The following NKD2 variants were observed in gnomAD, a reference collection of about 807,000 sequenced individuals.
The protein encoded by NKD2 is protein naked cuticle homolog 2.
A neutral mutation model predicts 34.8 loss-of-function variants in NKD2; 43 were observed. The observed-to-expected ratio is 1.24, with a 90% CI of 0.97 to 1.60. NKD2 has a LOEUF of 1.60. Among genes scored for constraint, NKD2 ranks in the 40% most tolerant of loss-of-function variants. NKD2 has a pLI of 0.00. For missense variants in NKD2, 675 were observed against 627.1 expected (o/e 1.08, Z -0.82); for synonymous variants, 278 against 265.1 (o/e 1.05, Z -0.47).
Position 1,034,237 on chromosome 5 carries a change from A to T in NKD2, c.333A>T (p.Ala111=), listed in dbSNP as rs1158703656. The change falls in exon 6 of 10, where the codon GCA becomes GCT. Residue 111 remains alanine (A), a splice_region_variant and synonymous_variant. Coordinates refer to ENST00000296849, the MANE Select transcript of NKD2 (RefSeq NM_033120.4). ...CCGGCCCCCACGTCCCCCCACAGGC[A>T]CTCCAGTGCGATGTCTCGGTGGAGG... ...GPGGQRLNID[A]LQCDVSVEED... The T allele has an allele frequency of 6.2e-7, 1 of 1,605,232 alleles. No individual in the cohort carries two copies. Among genetic ancestry groups the T allele is most frequent in the African/African-American group, 1.4e-5 (1 of 72,766 alleles).
Position 1,038,448 on chromosome 5 carries a change from G to A in NKD2, c.*75G>A, listed in dbSNP as rs139370266. ...CAGGGCAGGGAGCAGAGCAGCTGCC[G>A]GCTGTGTGCCCATGGGGAGCCCAGC... On this transcript the variant is annotated 3_prime_UTR_variant, in exon 10 of 10. Coordinates refer to ENST00000296849, the MANE Select transcript of NKD2 (RefSeq NM_033120.4). The surrounding 1 kb of genome is among the most constrained non-coding windows in gnomAD (Gnocchi z 4.5). 4.6e-5 allele frequency: 70 copies of A among 1,535,352 alleles called. No homozygotes were observed. The Middle Eastern group carries it at 5.0e-4, about 11-fold the overall frequency.
intron 8 of NKD2, 187 bp from the exon 9 acceptor site, chr5:1,036,070 A>G: frequency 1.5e-6 from 2 of 1,310,392 alleles, no homozygotes; most frequent in South Asian, 4.9e-5. Flanking sequence ...GTCGGCTGTG[A>G]CCTTGTTTCT....
At position 1,038,181 on chromosome 5, in the gene NKD2, G is replaced by A; in HGVS notation, c.1164G>A (p.Lys388=). The A allele has an allele frequency of 6.3e-7, 1 of 1,587,500 alleles. No homozygotes were observed. The highest frequency in any genetic ancestry group is 8.6e-7 in the Non-Finnish European group (1 of 1,168,778). ...ACGGCCACAAGCGGTACCGCCAAAAGGGCAGGGAGGGCCACTCGCCACTCA... is the reference window on the plus strand; with the variant it reads ...ACGGCCACAAGCGGTACCGCCAAAAAGGCAGGGAGGGCCACTCGCCACTCA... ...PPYGHKRYRQ[K]GREGHSPLKA... is the part of the protein sequence containing the mutation. Residue 388 remains lysine (K), a synonymous_variant, in exon 10 of 10, where the codon AAG becomes AAA. Transcript: ENST00000296849. The surrounding 1 kb of genome is among the most constrained non-coding windows in gnomAD (Gnocchi z 4.5).
intron 3 of NKD2, among the ~76,000 whole-genome samples, chr5:1,021,363 CCCCT>C (rs1756172179): frequency 1.5e-5 from 2 of 133,444 alleles, no homozygotes; most frequent in Non-Finnish European, 3.2e-5. Context: ...CGGCCCCCCG[CCCCT>C]CCACCCACCC....
rs1355973689 is a variant in NKD2 at position 1,038,184 on chromosome 5, C to T, written c.1167C>T (p.Gly389=). The change falls in exon 10 of 10, where the codon GGC becomes GGT. Residue 389 remains glycine (G), a synonymous_variant. Transcript: ENST00000296849. This position sits in a 1 kb window ranked among gnomAD's most constrained non-coding sequence, Gnocchi z 4.5. ...PYGHKRYRQK[G]REGHSPLKAP... ...GCCACAAGCGGTACCGCCAAAAGGGCAGGGAGGGCCACTCGCCACTCAAGG... is the reference window on the plus strand; with the variant it reads ...GCCACAAGCGGTACCGCCAAAAGGGTAGGGAGGGCCACTCGCCACTCAAGG... The T allele has an allele frequency of 1.9e-6, 3 of 1,587,672 alleles. No homozygotes were observed. Among genetic ancestry groups the T allele is most frequent in the African/African-American group, 1.3e-5 (1 of 74,534 alleles).
At chr5:1,034,682 G>A (rs773297793) in intron 6 of NKD2, 74 bp from the exon 7 acceptor site, 111 of 1,469,100 alleles carry the variant, frequency 7.6e-5, no homozygotes, top group Admixed American at 1.0e-4. Flanking sequence ...GGGGCTGGAT[G>A]TGTTTTCTGG....
chr5:1,035,933 C>T (rs1733892636), intron 8 of NKD2: 1 of 378,228 alleles, frequency 2.6e-6, no homozygotes, highest in African/African-American at 2.1e-5. Flanking sequence ...GGCTGGGTGG[C>T]TGGGGTGTGG....
intron 7 of NKD2, among the ~76,000 whole-genome samples, chr5:1,035,152 G>C (rs1390506253): frequency 6.6e-6 from 1 of 150,774 alleles, no homozygotes; most frequent in African/African-American, 2.5e-5. Context: ...GAATGAATGA[G>C]TTAATGAATG....
In NKD2 at chr5:1,034,806, C is replaced by T; in HGVS notation, c.477C>T (p.Val159=). 1 of 1,612,830 alleles carries T rather than the reference C, an allele frequency of 6.2e-7. No individual in the cohort carries two copies. The highest frequency in any genetic ancestry group is 1.7e-4 in the Middle Eastern group (1 of 6,060). ...TCTATGAGGTCGTGGATGCCTCGGT[C>T]AACCACTCCTCGGGCAGCAGCAAGA... ...HTIYEVVDAS[V]NHSSGSSKTL... The change falls in exon 7 of 10, where the codon GTC becomes GTT. Residue 159 remains valine, a synonymous_variant. Transcript: ENST00000296849.
rs1203442796 is a variant in NKD2 at position 1,008,840 on chromosome 5, C to T, written c.-218C>T. ...CCGCCGTCGCTGCCGCCGCTGTCCC[C>T]GCGCCCTGCGCCCGGTGGCCCCCCA... On this transcript the variant is annotated 5_prime_UTR_variant, in exon 1 of 10. Coordinates refer to ENST00000296849, the MANE Select transcript of NKD2 (RefSeq NM_033120.4). The T allele has an allele frequency of 9.6e-6, 3 of 312,030 alleles. No homozygotes were observed. The highest frequency in any genetic ancestry group is 1.7e-5 in the Non-Finnish European group (3 of 172,014). The allele number at this position is 312,030 out of a possible 1,614,324, so 19.3% of individuals were successfully genotyped here.
intron 3 of NKD2, among the ~76,000 whole-genome samples, chr5:1,030,457 C>T (rs1442778246): frequency 2.6e-5 from 4 of 152,224 alleles, no homozygotes; most frequent in East Asian, 3.8e-4. Context: ...GATTCTGTGC[C>T]CATGGGGGCT....
intron 8 of NKD2, chr5:1,035,965 TC>T (rs1227598043): frequency 4.0e-5 from 18 of 446,948 alleles, no homozygotes; most frequent in Non-Finnish European, 6.3e-5. Flanking sequence ...GCTACAGTGG[TC>T]CCAGAGTGGT....
intron 3 of NKD2, among the ~76,000 whole-genome samples, chr5:1,027,546 G>C (rs759457140): frequency 1.3e-5 from 2 of 152,130 alleles, no homozygotes; most frequent in Non-Finnish European, 2.9e-5. Flanking sequence ...CTCCCAACTC[G>C]TGGGGAGACG....
At chr5:1,019,480 C>G (rs1443554683) in intron 3 of NKD2, among the ~76,000 whole-genome samples, 1 of 152,230 alleles carries the variant, frequency 6.6e-6, no homozygotes, top group African/African-American at 2.4e-5. Flanking sequence ...ATAGCAAAGC[C>G]GCAGGTGGCC....
At chr5:1,029,346 G>C (rs1419984346) in intron 3 of NKD2, among the ~76,000 whole-genome samples, 4 of 152,218 alleles carry the variant, frequency 2.6e-5, no homozygotes, top group African/African-American at 9.6e-5. Context: ...TACAGCGTTG[G>C]CTGGTTGGTG....
chr5:1,036,355 T>C lies in NKD2; in HGVS notation c.758T>C (p.Ile253Thr), dbSNP rs767427142. 9 of 1,612,768 alleles carry C rather than the reference T, an allele frequency of 5.6e-6. No homozygotes were observed. Among genetic ancestry groups the C allele is most frequent in the African/African-American group, 1.3e-5 (1 of 74,840 alleles). Reference protein sequence around the residue: ...RRNHYLDLAGIENYTSRFGPG... With the variant: ...RRNHYLDLAGTENYTSRFGPG... ...AACCACTACCTGGACCTCGCCGGGA[T>C]TGAGAACTACACGTCCAGATTCGGC... The change falls in exon 9 of 10, where the codon ATT (isoleucine) becomes ACT (threonine). Residue 253 changes from isoleucine to threonine, a missense_variant. By Grantham distance (89) the Ile-to-Thr change is moderately conservative. Coordinates refer to ENST00000296849, the MANE Select transcript of NKD2 (RefSeq NM_033120.4).
intron 3 of NKD2, among the ~76,000 whole-genome samples, chr5:1,014,264 TAAA>T (rs1755862032): frequency 6.6e-6 from 1 of 152,162 alleles, no homozygotes; most frequent in Non-Finnish European, 1.5e-5. Flanking sequence ...TTCCTTTTCT[TAAA>T]AAACCCAGGC....
intron 3 of NKD2, among the ~76,000 whole-genome samples, chr5:1,016,909 AT>A (rs1340193746): frequency 2.0e-5 from 3 of 151,498 alleles, no homozygotes; most frequent in African/African-American, 2.4e-5. Flanking sequence ...TCCACAAAGG[AT>A]AACAGAGCTG....
chr5:1,021,953 C>G (rs919375219), intron 3 of NKD2, among the ~76,000 whole-genome samples: 3 of 152,192 alleles, frequency 2.0e-5, no homozygotes, highest in Non-Finnish European at 4.4e-5. Flanking sequence ...CCCAGGGCCG[C>G]CTGCAGCCTG....
Sources: gnomAD v4.1 joint callset for allele counts (sites outside exome capture counted in the v4.1 genomes callset) on GRCh38, gnomAD v4.1.1 for gene constraint, Gnocchi (gnomAD v3.1) non-coding constraint, MANE v1.5 for transcripts, NCBI Gene and HGNC (gene_info 2026-07-23, HGNC 2026-07-21) for gene names.